FAR1: variants seen among roughly 807,000 people sequenced by gnomAD.
FAR1 encodes the protein fatty acyl-CoA reductase 1.
In FAR1, 22 loss-of-function variants were observed where a neutral mutation model predicts 61.1. The observed-to-expected ratio is 0.36, with a 90% confidence interval of 0.26 to 0.51. The LOEUF is 0.51. Ranked by LOEUF, FAR1 falls within the 20% of genes least tolerant of loss-of-function variation. The pLI is 0.95. For missense variants in FAR1, 359 were observed against 626.9 expected (o/e 0.57, Z 4.56); for synonymous variants, 206 against 209.7 (o/e 0.98, Z 0.15).
At chr11:13,722,210 T>G (rs1848617209) in intron 10 of FAR1, among the ~76,000 whole-genome samples, 1 of 152,136 alleles carries the variant, frequency 6.6e-6, no homozygotes, top group Non-Finnish European at 1.5e-5. Flanking sequence ...TAAGAAATTG[T>G]TTTTTATAAA....
intron 9 of FAR1, among the ~76,000 whole-genome samples, chr11:13,718,501 G>A (rs751808526): frequency 2.0e-5 from 3 of 152,020 alleles, no homozygotes; most frequent in South Asian, 2.1e-4. Context: ...TGTTTTCCTG[G>A]TCCTTTCACA....
chr11:13,716,534 G>A (rs116753526), intron 9 of FAR1, among the ~76,000 whole-genome samples: 172 of 152,254 alleles, frequency 1.1e-3, no homozygotes, highest in African/African-American at 3.9e-3. Context: ...ACTCTTTGTC[G>A]TGTCATAAGG....
At chr11:13,682,671 C>G (rs1454549825) in intron 1 of FAR1, among the ~76,000 whole-genome samples, 1 of 152,178 alleles carries the variant, frequency 6.6e-6, no homozygotes, top group African/African-American at 2.4e-5. Context: ...TGCAGTGGCA[C>G]AATTATGGCT....
At chr11:13,700,593 A>T (rs2134184235) in intron 3 of FAR1, 101 bp downstream of exon 3, 1 of 731,664 alleles carries the variant, frequency 1.4e-6, no homozygotes, top group East Asian at 3.3e-5. Flanking sequence ...ATGTGATTTG[A>T]TACTATTTGC....
At chr11:13,718,688 A>G (rs185761019) in intron 9 of FAR1, among the ~76,000 whole-genome samples, 3 of 152,318 alleles carry the variant, frequency 2.0e-5, no homozygotes, top group African/African-American at 7.2e-5. Context: ...TCTTAAAGCA[A>G]TCATTTTATT....
intron 10 of FAR1, among the ~76,000 whole-genome samples, chr11:13,722,287 G>A (rs1164156170): frequency 2.6e-5 from 4 of 151,948 alleles, no homozygotes; most frequent in Non-Finnish European, 5.9e-5. Context: ...CTTTGTGTAT[G>A]TTCTTTTTGA....
At chr11:13,709,115 T>G (rs1848471102) in intron 4 of FAR1, among the ~76,000 whole-genome samples, 1 of 152,196 alleles carries the variant, frequency 6.6e-6, no homozygotes, top group South Asian at 2.1e-4. Flanking sequence ...TCCTTTATTC[T>G]TCCCTCTTTT....
intron 5 of FAR1, among the ~76,000 whole-genome samples, chr11:13,711,560 G>T (rs1369066635): frequency 1.3e-5 from 2 of 152,114 alleles, no homozygotes; most frequent in Non-Finnish European, 2.9e-5. Flanking sequence ...CTTTGAAAAT[G>T]ATTTTACTCA....
At chr11:13,684,694 A>G (rs763911736) in intron 1 of FAR1, among the ~76,000 whole-genome samples, 312 of 152,202 alleles carry the variant, frequency 2.0e-3, no homozygotes, top group Middle Eastern at 3.2e-3. Flanking sequence ...TTATTTAGGA[A>G]GGAGCAGTTT....
chr11:13,674,040 G>A (rs942200968), intron 1 of FAR1, among the ~76,000 whole-genome samples: 9 of 152,214 alleles, frequency 5.9e-5, no homozygotes, highest in South Asian at 2.1e-4. Context: ...GGCCGGGTGC[G>A]GTGGCTCACG....
intron 1 of FAR1, among the ~76,000 whole-genome samples, chr11:13,689,869 C>T (rs902119430): frequency 8.5e-5 from 12 of 141,844 alleles, no homozygotes; most frequent in East Asian, 4.1e-4. Flanking sequence ...GCTGTCATTT[C>T]GATCTTTTTT....
At chr11:13,697,109 CTT>C (rs1208262807) in intron 2 of FAR1, among the ~76,000 whole-genome samples, 1 of 152,078 alleles carries the variant, frequency 6.6e-6, no homozygotes, top group Non-Finnish European at 1.5e-5. Flanking sequence ...AGTACCATGA[CTT>C]ATGGGAATGT....
At chr11:13,672,677 C>T (rs1254157608) in intron 1 of FAR1, among the ~76,000 whole-genome samples, 1 of 152,024 alleles carries the variant, frequency 6.6e-6, no homozygotes, top group Admixed American at 6.6e-5. Context: ...AGTCTTATTT[C>T]AGTCCCTACT....
intron 2 of FAR1, among the ~76,000 whole-genome samples, chr11:13,696,438 T>G (rs1476240731): frequency 6.6e-6 from 1 of 152,022 alleles, no homozygotes; most frequent in Non-Finnish European, 1.5e-5. Context: ...CTGGCCAGAA[T>G]TGAGGGTCTG....
intron 1 of FAR1, among the ~76,000 whole-genome samples, chr11:13,678,615 A>G (rs1434526062): frequency 9.2e-5 from 14 of 152,190 alleles, no homozygotes; most frequent in African/African-American, 3.1e-4. Context: ...TTGGAAAATC[A>G]TTACTTTTGA....
intron 1 of FAR1, among the ~76,000 whole-genome samples, chr11:13,690,176 C>G (rs892222041): frequency 6.6e-6 from 1 of 152,054 alleles, no homozygotes; most frequent in African/African-American, 2.4e-5. Flanking sequence ...CGCGCCTGGC[C>G]CAATCCTTTT....
chr11:13,708,777 A>G (rs1479746445), intron 4 of FAR1, among the ~76,000 whole-genome samples: 1 of 152,136 alleles, frequency 6.6e-6, no homozygotes, highest in East Asian at 1.9e-4. Context: ...TGGAGTATAT[A>G]TATAGAGGGG....
At chr11:13,674,940 T>C (rs1848049944) in intron 1 of FAR1, among the ~76,000 whole-genome samples, 2 of 152,142 alleles carry the variant, frequency 1.3e-5, no homozygotes, top group African/African-American at 4.8e-5. Context: ...TTATGGAAAA[T>C]TGACAGCAAT....
At chr11:13,684,381 C>A (rs926027196) in intron 1 of FAR1, among the ~76,000 whole-genome samples, 2 of 152,080 alleles carry the variant, frequency 1.3e-5, no homozygotes, top group African/African-American at 4.8e-5. Flanking sequence ...AGCTGAAGGA[C>A]CATACTGAGA....
Sources: allele counts gnomAD v4.1 joint callset (sites outside exome capture counted in the v4.1 genomes callset), GRCh38; gene constraint gnomAD v4.1.1; transcripts MANE v1.5; gene names NCBI Gene and HGNC (gene_info 2026-07-23, HGNC 2026-07-21).